The following TENT5B variants were observed in gnomAD, a reference collection of about 807,000 sequenced individuals.
TENT5B encodes the protein terminal nucleotidyltransferase 5B, also known as family with sequence similarity 46 member B.
Under a neutral mutation model 21.7 loss-of-function variants are expected in TENT5B, and 12 were observed. That is an observed-to-expected ratio of 0.55 (90% CI 0.36 to 0.90). The LOEUF is 0.90. Among genes scored for constraint, TENT5B ranks in the 40% least tolerant of loss-of-function variants. The pLI is 0.01. For synonymous variants in TENT5B, 262 were observed against 266.6 expected (o/e 0.98, Z 0.17); for missense variants, 540 against 601.5 (o/e 0.90, Z 1.07).
In TENT5B at chr1:27,009,855, GGT is replaced by G. The variant is rs374796795; in HGVS notation, c.264+2550_264+2551del. 6.2e-4 allele frequency among the ~76,000 whole-genome samples: 95 copies of G among 152,334 alleles called. 1 individual carries two copies. In the East Asian group the frequency reaches 0.016, roughly 25 times the overall value. On this transcript the variant is annotated intron_variant, in intron 1 of 1. Coordinates refer to ENST00000289166, the MANE Select transcript of TENT5B (RefSeq NM_052943.4). ...GCCAGTCGCTGTTGTCTCCTTCCCA[GGT>G]GTGACTACAGCCAGTTTGGCAGACG...
intron 1 of TENT5B, among the ~76,000 whole-genome samples, chr1:27,008,926 A>AT (rs1241461714): frequency 3.3e-5 from 4 of 120,260 alleles, no homozygotes; most frequent in Non-Finnish European, 1.7e-5. Context: ...TTAATATGGA[A>AT]TTTTTTTCTG....
intron 1 of TENT5B, among the ~76,000 whole-genome samples, chr1:27,008,232 A>C (rs534040800): frequency 1.3e-5 from 2 of 152,148 alleles, no homozygotes; most frequent in Non-Finnish European, 2.9e-5. Context: ...AGTTGTCCTG[A>C]AAGTGACCAG....
chr1:27,007,258 A>G (rs1236164052), intron 1 of TENT5B, among the ~76,000 whole-genome samples: 2 of 152,142 alleles, frequency 1.3e-5, no homozygotes, highest in Non-Finnish European at 2.9e-5. Flanking sequence ...CTTAATCCTC[A>G]CAATAACCCT....
At position 27,006,463 on chromosome 1, in the gene TENT5B, G is replaced by C; in HGVS notation, c.759C>G (p.Asp253Glu). ...GCAGGTGCTCCAGGGCCTCGGTGAA[G>C]TCCCCGTACAGGCTTTCGCCTGTGA... ...PTVTGESLYG[D>E]FTEALEHLRH... The change falls in exon 2 of 2, where the codon GAC becomes GAG. Residue 253 changes from aspartate to glutamate, a missense_variant. Coordinates refer to ENST00000289166, the MANE Select transcript of TENT5B (RefSeq NM_052943.4). This position sits in a 1 kb window ranked among gnomAD's most constrained non-coding sequence, Gnocchi z 9.4. 2 of 1,613,910 alleles carry C rather than the reference G, an allele frequency of 1.2e-6. No homozygotes were observed. Among genetic ancestry groups the C allele is most frequent in the Admixed American group, 3.3e-5 (2 of 60,030 alleles).
At chr1:27,008,393 G>C (rs2082610217) in intron 1 of TENT5B, among the ~76,000 whole-genome samples, 1 of 152,158 alleles carries the variant, frequency 6.6e-6, no homozygotes, top group Non-Finnish European at 1.5e-5. Context: ...GGGGCAATCA[G>C]AGGCGGGCGG....
In TENT5B at chr1:27,012,473, C is replaced by G. The variant is rs1344559396; in HGVS notation, c.198G>C (p.Glu66Asp). The G allele has an allele frequency of 1.9e-6, 3 of 1,611,516 alleles. No homozygotes were observed. Among genetic ancestry groups the G allele is most frequent in the Admixed American group, 1.7e-5 (1 of 59,892 alleles). ...QVKRLDALLS[E>D]PIPIHGRGNF... ...TGCCGCGCCCGTGAATGGGAATCGG[C>G]TCGCTCAGAAGAGCGTCCAGTCGCT... Residue 66 changes from glutamate to aspartate, a missense_variant, in exon 1 of 2, where the codon GAG becomes GAC. Coordinates refer to ENST00000289166, the MANE Select transcript of TENT5B (RefSeq NM_052943.4).
chr1:27,005,757 C>CAG lies in TENT5B; in HGVS notation c.*185_*186dup, dbSNP rs2082593070. 3 of 704,830 alleles carry CAG rather than the reference C, an allele frequency of 4.3e-6. No homozygotes were observed. Among genetic ancestry groups the CAG allele is most frequent in the Non-Finnish European group, 2.2e-6 (1 of 462,740 alleles). The allele number at this position is 704,830 out of a possible 1,614,324, so 43.7% of individuals were successfully genotyped here. A position where few individuals can be genotyped will look rare whatever the true frequency, so the allele number is the denominator to read the frequency against. ...CAAAGGGTCCTCCTGCTGAGAGCCC[C>CAG]AGGCTGGCATTAAGCCCACAGGGGC... On this transcript the variant is annotated 3_prime_UTR_variant, in exon 2 of 2. Transcript: ENST00000289166.
rs146626336 is a variant in TENT5B, at chr1:27,006,924, G to A, written c.298C>T (p.His100Tyr). ...CCATGCAGCCGCACACTGTGCACAT[G>A]TAGTCCCTGCTCCTCCAGGGTGCTG... ...VRSTLEEQGLHVHSVRLHGSA... is the reference protein window; with the variant it reads ...VRSTLEEQGLYVHSVRLHGSA... Residue 100 changes from histidine to tyrosine, a missense_variant, in exon 2 of 2, where the codon CAT (histidine) becomes TAT (tyrosine). His to Tyr is a moderately conservative substitution (Grantham distance 83, BLOSUM62 2). Transcript: ENST00000289166. The surrounding 1 kb of genome is among the most constrained non-coding windows in gnomAD (Gnocchi z 9.4). The A allele has an allele frequency of 1.2e-5, 19 of 1,603,564 alleles. No individual in the cohort carries two copies. The highest frequency in any genetic ancestry group is 1.6e-5 in the Non-Finnish European group (19 of 1,173,000).
rs151266984 is a variant in TENT5B, at chr1:27,006,146, T to G, written c.1076A>C (p.Asn359Thr). The change falls in exon 2 of 2, where the codon AAC (asparagine) becomes ACC (threonine). Residue 359 changes from asparagine (N) to threonine (T), a missense_variant. Transcript: ENST00000289166. This position sits in a 1 kb window ranked among gnomAD's most constrained non-coding sequence, Gnocchi z 9.4. ...GTCCAGCGTCTGGCGGCGCTCGTGGTTCATGAGGCACACGGTGCTCTCGTT... is the reference window on the plus strand; with the variant it reads ...GTCCAGCGTCTGGCGGCGCTCGTGGGTCATGAGGCACACGGTGCTCTCGTT... ...VVNESTVCLMNHERRQTLDLI... is the reference protein window; with the variant it reads ...VVNESTVCLMTHERRQTLDLI... The G allele has an allele frequency of 0.012, 19,122 of 1,608,698 alleles. 158 individuals carry two copies. Among genetic ancestry groups the G allele is most frequent in the Non-Finnish European group, 0.013 (15,101 of 1,176,856 alleles).
At chr1:27,007,635 A>G (rs914870805) in intron 1 of TENT5B, among the ~76,000 whole-genome samples, 1 of 151,852 alleles carries the variant, frequency 6.6e-6, no homozygotes, top group Non-Finnish European at 1.5e-5. Flanking sequence ...CGTGATCCAC[A>G]CACCTCCCAA....
chr1:27,012,477 C>G lies in TENT5B; in HGVS notation c.194G>C (p.Ser65Thr), dbSNP rs1367425534. Residue 65 changes from serine (S) to threonine (T), a missense_variant, in exon 1 of 2, where the codon AGC becomes ACC. Physicochemically the swap from Ser to Thr is moderately conservative, Grantham distance 58. Transcript: ENST00000289166. ...GCGCCCGTGAATGGGAATCGGCTCG[C>G]TCAGAAGAGCGTCCAGTCGCTTCAC... ...PQVKRLDALL[S>T]EPIPIHGRGN... is the part of the protein sequence containing the mutation. 2 of 1,610,626 alleles carry G rather than the reference C, an allele frequency of 1.2e-6. No homozygotes were observed.
chr1:27,011,210 G>A (rs769492847), intron 1 of TENT5B, among the ~76,000 whole-genome samples: 8 of 152,134 alleles, frequency 5.3e-5, no homozygotes, highest in Non-Finnish European at 1.2e-4. Flanking sequence ...ATCTGCCCCC[G>A]CCCCCTCCAG....
chr1:27,005,622 A>C lies in TENT5B; in HGVS notation c.*322T>G. On this transcript the variant is annotated 3_prime_UTR_variant, in exon 2 of 2. Transcript: ENST00000289166. ...TGGGAATCAATCCAAGGTGCTGGGC[A>C]TTAAGGCTACCACCCCAAACTTGCT... 2 of 344,182 alleles carry C rather than the reference A, an allele frequency of 5.8e-6. No individual in the cohort carries two copies. The highest frequency in any genetic ancestry group is 5.3e-6 in the Non-Finnish European group (1 of 189,004). The allele number at this position is 344,182 out of a possible 1,614,324, so 21.3% of individuals were successfully genotyped here. A position where few individuals can be genotyped will look rare whatever the true frequency, so the allele number is the denominator to read the frequency against.
Position 27,012,844 on chromosome 1 carries a change from A to G in TENT5B, c.-174T>C. ...CAGACGGCGACGACTAACCGACCCT[A>G]GCGCCTGCAGCCCGCGGCCCAGCGG... On this transcript the variant is annotated 5_prime_UTR_variant, in exon 1 of 2. Coordinates refer to ENST00000289166, the MANE Select transcript of TENT5B (RefSeq NM_052943.4). 3.5e-6 allele frequency: 3 copies of G among 846,802 alleles called. No individual in the cohort carries two copies. In the South Asian group the frequency reaches 6.9e-5, roughly 19 times the overall value. The allele number at this position is 846,802 out of a possible 1,614,324, so 52.5% of individuals were successfully genotyped here.
At chr1:27,012,326 G>C (rs2082627946) in intron 1 of TENT5B, 81 bp downstream of exon 1, 1 of 1,542,756 alleles carries the variant, frequency 6.5e-7, no homozygotes, top group South Asian at 1.2e-5. Context: ...TGTCTAGAAA[G>C]TCAAACAGAC....
intron 1 of TENT5B, among the ~76,000 whole-genome samples, chr1:27,010,486 AG>A (rs796473842): frequency 7.6e-4 from 116 of 152,226 alleles, no homozygotes; most frequent in African/African-American, 2.7e-3. Flanking sequence ...ATTTCTTCCA[AG>A]AAACTTTCTT....
In TENT5B at chr1:27,006,290, A is replaced by C. The variant is rs1472728947; in HGVS notation, c.932T>G (p.Ile311Ser). The C allele has an allele frequency of 6.2e-7, 1 of 1,612,108 alleles. No individual in the cohort carries two copies. Among genetic ancestry groups the C allele is most frequent in the African/African-American group, 1.3e-5 (1 of 75,048 alleles). Reference protein sequence around the residue: ...LQRYMCSRFFIDFPDLVEQRR... With the variant: ...LQRYMCSRFFSDFPDLVEQRR... ...CTGCTCCACCAGGTCTGGAAAGTCG[A>C]TGAAGAAGCGGGAGCACATGTAGCG... is the stretch of plus-strand genomic sequence containing the variant. The change falls in exon 2 of 2, where the codon ATC becomes AGC. Residue 311 changes from isoleucine to serine, a missense_variant. Ile to Ser is a moderately radical substitution (Grantham distance 142). Coordinates refer to ENST00000289166, the MANE Select transcript of TENT5B (RefSeq NM_052943.4). The surrounding 1 kb of genome is among the most constrained non-coding windows in gnomAD (Gnocchi z 9.4).
rs768105444 is a variant in TENT5B, at chr1:27,006,530, T to C, written c.692A>G (p.Gln231Arg). 2 of 1,614,162 alleles carry C rather than the reference T, an allele frequency of 1.2e-6. No individual in the cohort carries two copies. The highest frequency in any genetic ancestry group is 1.7e-5 in the Admixed American group (1 of 60,018). The part of the protein sequence containing the change: ...IILDSLLLFG[Q>R]CSSTPMSEAF... Reference sequence around the variant, plus strand: ...CTCAGACATGGGAGTGGACGAGCACTGGCCAAAGAGCAACAGGGAGTCCAG... The same window carrying C: ...CTCAGACATGGGAGTGGACGAGCACCGGCCAAAGAGCAACAGGGAGTCCAG... The change falls in exon 2 of 2, where the codon CAG (glutamine) becomes CGG (arginine). Residue 231 changes from glutamine (Q) to arginine (R), a missense_variant. Coordinates refer to ENST00000289166, the MANE Select transcript of TENT5B (RefSeq NM_052943.4). This position sits in a 1 kb window ranked among gnomAD's most constrained non-coding sequence, Gnocchi z 9.4.
chr1:27,007,009 A>C, intron 1 of TENT5B, 52 bp from the exon 2 acceptor site: 1 of 1,498,944 alleles, frequency 6.7e-7, no homozygotes, highest in Non-Finnish European at 8.9e-7. Flanking sequence ...TCAGGGGTCC[A>C]CCAAGGACTT....
Sources: gnomAD v4.1 joint callset for allele counts (sites outside exome capture counted in the v4.1 genomes callset) on GRCh38, gnomAD v4.1.1 for gene constraint, Gnocchi (gnomAD v3.1) non-coding constraint, MANE v1.5 for transcripts, NCBI Gene and HGNC (gene_info 2026-07-23, HGNC 2026-07-21) for gene names.